The following CLIP1 variants were observed in gnomAD, a reference collection of about 807,000 sequenced individuals.
CLIP1 encodes the protein CAP-Gly domain-containing linker protein 1.
In CLIP1, 66 loss-of-function variants were observed where a neutral mutation model predicts 161.6. The observed-to-expected ratio is 0.41, with a 90% CI of 0.33 to 0.50. The LOEUF (loss-of-function observed/expected upper bound fraction) is 0.50, where lower values mean the gene tolerates loss of function less well. Ranked by LOEUF, CLIP1 falls within the 20% of genes least tolerant of loss-of-function variation. The pLI, the probability that CLIP1 is intolerant of heterozygous loss-of-function variation, is 0.27. For synonymous variants in CLIP1, 598 were observed against 626.2 expected, an observed-to-expected ratio of 0.96 and a Z score of 0.67; for missense variants, 1,376 against 1,702.0, an observed-to-expected ratio of 0.81 and a Z score of 3.37.
chr12:122,286,272 AC>A (rs1303777243), intron 21 of CLIP1, among the ~76,000 whole-genome samples: 1 of 152,012 alleles, frequency 6.6e-6, no homozygotes, highest in Admixed American at 6.6e-5. Flanking sequence ...TAATCCCAAC[AC>A]TTTGGGAGGC....
chr12:122,370,037 C>T (rs987062828), intron 3 of CLIP1, among the ~76,000 whole-genome samples: 2 of 151,962 alleles, frequency 1.3e-5, no homozygotes, highest in Non-Finnish European at 2.9e-5. Context: ...GTGGCTCACG[C>T]CTGTAGTCCC....
At chr12:122,394,488 C>CAA (rs66683857) in intron 1 of CLIP1, among the ~76,000 whole-genome samples, 3,932 of 57,172 alleles carry the variant, frequency 0.069, 529 homozygotes, top group African/African-American at 0.17. Flanking sequence ...GACGCTGTCT[C>CAA]AAAAAAAAAA....
At position 122,328,001 on chromosome 12, in the gene CLIP1, G is replaced by C. The variant is rs1951773599; in HGVS notation, c.3195C>G (p.Asn1065Lys). ...CCTCCAGCTCCTGCAGCAAGCCACT[G>C]TTCTCCTCCCGTGCGCCCTTCAGCT... Reference protein sequence around the residue: ...EDKLKGAREENSGLLQELEEL... With the variant: ...EDKLKGAREEKSGLLQELEEL... The change falls in exon 17 of 26, where the codon AAC becomes AAG. Residue 1065 changes from asparagine to lysine, a missense_variant. Physicochemically the swap from Asn to Lys is moderately conservative, Grantham distance 94. Transcript: ENST00000620786. 1 of 1,614,158 alleles carries C rather than the reference G, an allele frequency of 6.2e-7. No individual in the cohort carries two copies. Among genetic ancestry groups the C allele is most frequent in the Non-Finnish European group, 8.5e-7 (1 of 1,180,042 alleles).
chr12:122,359,839 G>A (rs555146980), intron 5 of CLIP1, among the ~76,000 whole-genome samples: 4 of 152,244 alleles, frequency 2.6e-5, no homozygotes, highest in Non-Finnish European at 4.4e-5. Context: ...CCTGGTCTGC[G>A]GTTCCCCACC....
intron 1 of CLIP1, among the ~76,000 whole-genome samples, chr12:122,392,044 G>C (rs1955682014): frequency 6.6e-6 from 1 of 152,218 alleles, no homozygotes; most frequent in Non-Finnish European, 1.5e-5. Context: ...GCTGAGGTGA[G>C]AGGATTGCTT....
At position 122,295,094 on chromosome 12, in the gene CLIP1, T is replaced by C. The variant is rs1230411657; in HGVS notation, c.3595-6553A>G. Reference sequence around the variant, plus strand: ...AAAATAATAATTAAAAATCAATAAATTAAAATTAAAAATAGAAAAAGATTT... The same window carrying C: ...AAAATAATAATTAAAAATCAATAAACTAAAATTAAAAATAGAAAAAGATTT... On this transcript the variant is annotated intron_variant, in intron 20 of 25. Coordinates refer to ENST00000620786, the MANE Select transcript of CLIP1 (RefSeq NM_001247997.2). 2.7e-5 allele frequency among the ~76,000 whole-genome samples: 4 copies of C among 147,604 alleles called. No individual in the cohort carries two copies. The South Asian group carries it at 6.5e-4, about 24-fold the overall frequency.
chr12:122,319,860 C>T (rs1951417169), intron 17 of CLIP1, among the ~76,000 whole-genome samples: 1 of 152,068 alleles, frequency 6.6e-6, no homozygotes, highest in Non-Finnish European at 1.5e-5. Flanking sequence ...ACATAAGGCT[C>T]AAGTGTTTAA....
intron 19 of CLIP1, 91 bp downstream of exon 19, chr12:122,316,658 T>C: frequency 3.7e-6 from 3 of 813,334 alleles, no homozygotes; most frequent in Non-Finnish European, 5.7e-6. Flanking sequence ...CTTTATGTAC[T>C]TCTCAAATAA....
Position 122,365,422 on chromosome 12 carries a change from G to A in CLIP1, c.658-1315C>T, listed in dbSNP as rs532062274. ...AGATTCTTGCCAAGAGAAATAATGT[G>A]CGTATGGAGCACATTAAGCACTCTA... On this transcript the variant is annotated intron_variant, in intron 3 of 25. Coordinates refer to ENST00000620786, the MANE Select transcript of CLIP1 (RefSeq NM_001247997.2). 1.0e-5 allele frequency: 8 copies of A among 786,934 alleles called. No homozygotes were observed. The African/African-American group carries it at 1.2e-4, about 12-fold the overall frequency. The allele number at this position is 786,934 out of a possible 1,614,324, so 48.7% of individuals were successfully genotyped here.
chr12:122,340,668 A>G (rs2136335324), intron 11 of CLIP1, 85 bp downstream of exon 11: 2 of 1,113,954 alleles, frequency 1.8e-6, no homozygotes, highest in East Asian at 2.4e-5. Context: ...AATTTGGAAG[A>G]TGAATGATCT....
chr12:122,293,617 T>C (rs915629546), intron 20 of CLIP1, among the ~76,000 whole-genome samples: 1 of 146,352 alleles, frequency 6.8e-6, no homozygotes, highest in African/African-American at 2.5e-5. Context: ...TAGCTGGGAT[T>C]ATAGGCATGT....
chr12:122,417,314 A>G (rs1956789623), intron 1 of CLIP1, among the ~76,000 whole-genome samples: 1 of 151,536 alleles, frequency 6.6e-6, no homozygotes, highest in South Asian at 2.1e-4. Context: ...AAACAAAACA[A>G]AACAAAACTT....
chr12:122,421,971 G>C (rs1225330468), intron 1 of CLIP1, among the ~76,000 whole-genome samples: 2 of 152,232 alleles, frequency 1.3e-5, no homozygotes, highest in African/African-American at 4.8e-5. Context: ...GAGAATCACA[G>C]CCCCACTTGA....
chr12:122,347,624 G>A lies in CLIP1; in HGVS notation c.1402-145C>T, dbSNP rs1046636776. The stretch of plus-strand genomic sequence containing the variant: ...AAGGGGAATGGAGAAGGGAAGAGGT[G>A]GAGGTGAGATGAGGTGGGCAGTGAG... On this transcript the variant is annotated intron_variant, in intron 9 of 25. Transcript: ENST00000620786. The A allele has an allele frequency of 4.6e-6, 3 of 646,782 alleles. No homozygotes were observed. In the African/African-American group the frequency reaches 5.3e-5, roughly 11 times the overall value. 40.1% of individuals were successfully genotyped at this position (646,782 alleles called of 1,614,324 possible).
Position 122,336,760 on chromosome 12 carries a change from T to C in CLIP1, c.2452-12A>G. 7.9e-7 allele frequency: 1 copy of C among 1,264,578 alleles called. No individual in the cohort carries two copies. The highest frequency in any genetic ancestry group is 1.1e-6 in the Non-Finnish European group (1 of 889,708). 78.3% of individuals were successfully genotyped at this position (1,264,578 alleles called of 1,614,324 possible). A position where few individuals can be genotyped will look rare whatever the true frequency, so the allele number is the denominator to read the frequency against. On this transcript the variant is annotated splice_polypyrimidine_tract_variant and intron_variant, in intron 11 of 25. Transcript: ENST00000620786. ...GTAATGCTACTAGCCTAACACACAG[T>C]GTTACATGGTATAGAAGCAAATGAA... is the stretch of plus-strand genomic sequence containing the variant.
intron 1 of CLIP1, among the ~76,000 whole-genome samples, chr12:122,412,049 CCAGT>C (rs1341754654): frequency 6.9e-6 from 1 of 145,346 alleles, no homozygotes; most frequent in Non-Finnish European, 1.5e-5. Context: ...CTATCTACAA[CCAGT>C]TATTTTCTTT....
chr12:122,290,047 T>C (rs1399684526), intron 20 of CLIP1, among the ~76,000 whole-genome samples: 3 of 152,042 alleles, frequency 2.0e-5, no homozygotes, highest in African/African-American at 7.2e-5. Context: ...TTTAAAAGGG[T>C]CAAAAAGCTC....
At chr12:122,352,826 G>C in intron 7 of CLIP1, 40 bp from the exon 8 acceptor site, 1 of 1,509,872 alleles carries the variant, frequency 6.6e-7, no homozygotes, top group Non-Finnish European at 9.2e-7. Context: ...AAGAAACTAA[G>C]TAACACACAG....
At chr12:122,360,496 A>G (rs137917061) in intron 5 of CLIP1, among the ~76,000 whole-genome samples, 2 of 152,134 alleles carry the variant, frequency 1.3e-5, no homozygotes, top group East Asian at 3.9e-4. Flanking sequence ...CTGAGGCAGC[A>G]GGACTGCTTG....
Sources: gnomAD v4.1 joint callset for allele counts (sites outside exome capture counted in the v4.1 genomes callset) on GRCh38, gnomAD v4.1.1 for gene constraint, MANE v1.5 for transcripts, NCBI Gene and HGNC (gene_info 2026-07-23, HGNC 2026-07-21) for gene names.